ABL1: variants seen among roughly 807,000 people sequenced by gnomAD.
ABL1 encodes the protein ABL proto-oncogene 1, non-receptor tyrosine kinase.
A neutral mutation model predicts 94.7 loss-of-function variants in ABL1; 11 were observed. The ratio of observed to expected loss-of-function variants is 0.12; its 90% CI spans 0.07 to 0.19. The LOEUF (loss-of-function observed/expected upper bound fraction) is 0.19. Ranked by LOEUF, ABL1 falls within the 10% of genes least tolerant of loss-of-function variation. The pLI, the probability that ABL1 is intolerant of heterozygous loss-of-function variation, is 1.00. For synonymous variants in ABL1, 656 were observed against 622.4 expected (o/e 1.05, Z -0.80); for missense variants, 1,082 against 1,489.4 (o/e 0.73, Z 4.50).
intron 8 of ABL1, among the ~76,000 whole-genome samples, chr9:130,879,392 T>C (rs140901126): frequency 6.7e-4 from 102 of 152,354 alleles, no homozygotes; most frequent in Admixed American, 1.5e-3. Flanking sequence ...TTTCACTCAT[T>C]CATCCGGTCC....
At chr9:130,735,934 C>CATAT (rs71389344) in intron 1 of ABL1, among the ~76,000 whole-genome samples, 870 of 80,120 alleles carry the variant, frequency 0.011, 15 homozygotes, top group Admixed American at 0.014. Flanking sequence ...CATGTGTGTG[C>CATAT]ATATATATAT....
chr9:130,822,984 G>C (rs1830384250), intron 1 of ABL1, among the ~76,000 whole-genome samples: 1 of 152,024 alleles, frequency 6.6e-6, no homozygotes, highest in African/African-American at 2.4e-5. Context: ...TTTTAGTAGA[G>C]ACGGGATTTC....
In ABL1 at chr9:130,880,290, G is replaced by A. The variant is rs1831429090; in HGVS notation, c.1513+133G>A. Reference sequence around the variant, plus strand: ...TGTCCTGAGACCAGAAAGCTGGGCAGAGGTGTGGAGTATTGTGCTTTCTTG... The same window carrying A: ...TGTCCTGAGACCAGAAAGCTGGGCAAAGGTGTGGAGTATTGTGCTTTCTTG... On this transcript the variant is annotated intron_variant, in intron 9 of 10. Coordinates refer to ENST00000318560, the MANE Select transcript of ABL1 (RefSeq NM_005157.6). The surrounding 1 kb of genome is among the most constrained non-coding windows in gnomAD (Gnocchi z 4.4). 8.8e-7 allele frequency: 1 copy of A among 1,134,590 alleles called. No individual in the cohort carries two copies. Among genetic ancestry groups the A allele is most frequent in the African/African-American group, 1.5e-5 (1 of 65,210 alleles). The allele number at this position is 1,134,590 out of a possible 1,614,324, so 70.3% of individuals were successfully genotyped here.
chr9:130,750,407 C>T (rs1243365944), intron 1 of ABL1, among the ~76,000 whole-genome samples: 1,684 of 15,528 alleles, frequency 0.11, 102 homozygotes, highest in African/African-American at 0.32. Context: ...CTTCCTCCCT[C>T]CCTCCCTCCC....
chr9:130,868,189 A>C (rs1831189503), intron 4 of ABL1, among the ~76,000 whole-genome samples: 1 of 152,058 alleles, frequency 6.6e-6, no homozygotes, highest in Non-Finnish European at 1.5e-5. Flanking sequence ...CGATCTCCTG[A>C]CTTCATGATC....
At chr9:130,779,036 C>A (rs994093147) in intron 1 of ABL1, among the ~76,000 whole-genome samples, 2 of 152,100 alleles carry the variant, frequency 1.3e-5, no homozygotes, top group African/African-American at 4.8e-5. Flanking sequence ...TCCAGTTAAT[C>A]GAGAATTAGG....
rs112504472 is a variant in ABL1 at position 130,876,871 on chromosome 9, A to G, written c.1271-1544A>G. Among the ~76,000 whole-genome samples, 3 of 144,356 alleles carry G rather than the reference A, an allele frequency of 2.1e-5. No homozygotes were observed. In the East Asian group the frequency reaches 5.9e-4, roughly 28 times the overall value. The allele number at this position is 144,356 out of a possible 152,430, so 94.7% of individuals were successfully genotyped here. ...CCTGCCTCAGCCTCCCGAGTAGCTGAGACTATAGGCGCCCGCCGCCACACT... is the reference window on the plus strand; with the variant it reads ...CCTGCCTCAGCCTCCCGAGTAGCTGGGACTATAGGCGCCCGCCGCCACACT... On this transcript the variant is annotated intron_variant, in intron 7 of 10. Transcript: ENST00000318560.
rs1180758743 is a variant in ABL1 at position 130,886,459 on chromosome 9, T to C, written c.*776T>C. Reference sequence around the variant, plus strand: ...CTCTTGTGACGTGCACTGTGAATCCTGGCAAGAAAGCTTGAGTCTCAAGGG... The same window carrying C: ...CTCTTGTGACGTGCACTGTGAATCCCGGCAAGAAAGCTTGAGTCTCAAGGG... On this transcript the variant is annotated 3_prime_UTR_variant, in exon 11 of 11. Transcript: ENST00000318560. The C allele has an allele frequency of 4.3e-6, 1 of 233,462 alleles. No individual in the cohort carries two copies. Among genetic ancestry groups the C allele is most frequent in the East Asian group, 6.0e-5 (1 of 16,602 alleles). The allele number at this position is 233,462 out of a possible 1,614,324, so 14.5% of individuals were successfully genotyped here.
intron 3 of ABL1, among the ~76,000 whole-genome samples, chr9:130,859,945 C>T (rs1001021096): frequency 6.6e-6 from 1 of 152,130 alleles, no homozygotes; most frequent in African/African-American, 2.4e-5. Flanking sequence ...TCCCAAAGTG[C>T]TGGGATTACA....
intron 1 of ABL1, among the ~76,000 whole-genome samples, chr9:130,728,539 C>CA (rs1831620874): frequency 6.6e-6 from 1 of 151,706 alleles, no homozygotes; most frequent in Non-Finnish European, 1.5e-5. Flanking sequence ...GCGCCTGCCA[C>CA]CACGCCCGGC....
chr9:130,761,392 T>C (rs1832113006), intron 1 of ABL1, among the ~76,000 whole-genome samples: 1 of 152,188 alleles, frequency 6.6e-6, no homozygotes, highest in Admixed American at 6.5e-5. Flanking sequence ...TCTGTAAACC[T>C]TCCAGTCCCT....
intron 1 of ABL1, among the ~76,000 whole-genome samples, chr9:130,734,523 CTTTT>C (rs1381752821): frequency 3.6e-5 from 4 of 112,552 alleles, no homozygotes; most frequent in Non-Finnish European, 3.7e-5. Flanking sequence ...CCTGAATCTT[CTTTT>C]TTTTTTTTTT....
At chr9:130,841,036 C>T (rs1225086985) in intron 1 of ABL1, among the ~76,000 whole-genome samples, 1 of 152,118 alleles carries the variant, frequency 6.6e-6, no homozygotes, top group African/African-American at 2.4e-5. Flanking sequence ...CAGGGGTGTC[C>T]AATCTTGGCT....
At chr9:130,766,666 C>T (rs1832187612) in intron 1 of ABL1, among the ~76,000 whole-genome samples, 1 of 152,158 alleles carries the variant, frequency 6.6e-6, no homozygotes, top group Non-Finnish European at 1.5e-5. Context: ...TTCATCCTTG[C>T]CTCCTCCTCT....
At chr9:130,860,219 T>C (rs551276224) in intron 3 of ABL1, among the ~76,000 whole-genome samples, 1 of 152,334 alleles carries the variant, frequency 6.6e-6, no homozygotes, top group East Asian at 1.9e-4. Context: ...GCACCAGCCT[T>C]GACTGTTAGT....
intron 1 of ABL1, among the ~76,000 whole-genome samples, chr9:130,846,085 GTGTGTGTGTGTGTGTGTGTGTGTGCT>G (rs1283169028): frequency 1.0e-5 from 1 of 98,224 alleles, no homozygotes; most frequent in Non-Finnish European, 1.9e-5. Context: ...GTATGTCTGT[GTGTGTGTGTGTGTGTGTGTGTGTGCT>G]TGTGTGTGTG....
chr9:130,718,821 G>A (rs909897026), intron 1 of ABL1, among the ~76,000 whole-genome samples: 1 of 152,140 alleles, frequency 6.6e-6, no homozygotes, highest in Non-Finnish European at 1.5e-5. Flanking sequence ...GGCCAATGCT[G>A]CAGTGAGCCA....
Position 130,835,602 on chromosome 9 carries a change from C to T in ABL1, c.79+77C>T, listed in dbSNP as rs1221258747. On this transcript the variant is annotated intron_variant, in intron 1 of 10. Coordinates refer to ENST00000318560, the MANE Select transcript of ABL1 (RefSeq NM_005157.6). The surrounding 1 kb of genome is among the most constrained non-coding windows in gnomAD (Gnocchi z 4.6). ...CTGCTGGGCCCTTCCTAGGCCTCGC[C>T]GCCCGCGCGCTCCCGCCTGCGCCCT... The T allele has an allele frequency of 1.7e-5, 21 of 1,272,252 alleles. No homozygotes were observed. The highest frequency in any genetic ancestry group is 2.2e-5 in the Non-Finnish European group (20 of 905,508). 78.8% of individuals were successfully genotyped at this position (1,272,252 alleles called of 1,614,324 possible).
chr9:130,885,329 G>T lies in ABL1; in HGVS notation c.3039G>T (p.Arg1013=). 6.2e-7 allele frequency: 1 copy of T among 1,613,596 alleles called. No individual in the cohort carries two copies. Among genetic ancestry groups the T allele is most frequent in the Non-Finnish European group, 8.5e-7 (1 of 1,180,044 alleles). The change falls in exon 11 of 11, where the codon CGG becomes CGT. Residue 1013 remains arginine (R), a synonymous_variant. Coordinates refer to ENST00000318560, the MANE Select transcript of ABL1 (RefSeq NM_005157.6). The stretch of plus-strand genomic sequence containing the variant: ...TCATATCAACCCGAGTGTCTCTTCG[G>T]AAAACCCGCCAGCCTCCAGAGCGGA... ...IPLISTRVSL[R]KTRQPPERIA...
Sources: gnomAD v4.1 joint callset for allele counts (sites outside exome capture counted in the v4.1 genomes callset) on GRCh38, gnomAD v4.1.1 for gene constraint, Gnocchi (gnomAD v3.1) non-coding constraint, MANE v1.5 for transcripts, NCBI Gene and HGNC (gene_info 2026-07-23, HGNC 2026-07-21) for gene names.